The following RPS6KC1 variants were observed in gnomAD, a reference collection of about 807,000 sequenced individuals.
RPS6KC1 encodes ribosomal protein S6 kinase C1.
Under a neutral mutation model 103.8 loss-of-function variants are expected in RPS6KC1, and 54 were observed. The ratio of observed to expected loss-of-function variants is 0.52; its 90% CI spans 0.42 to 0.65. RPS6KC1 has a LOEUF of 0.65. Among genes scored for constraint, RPS6KC1 ranks in the 30% least tolerant of loss-of-function variants. RPS6KC1 has a pLI of 0.00. For missense variants in RPS6KC1, 1,151 were observed against 1,253.8 expected (o/e 0.92, Z 1.24); for synonymous variants, 439 against 438.7 (o/e 1.00, Z -0.01).
chr1:213,552,666 A>G, the RPS6KC1 span, among the ~76,000 whole-genome samples: 1 of 152,160 alleles, frequency 6.6e-6, no homozygotes, highest in Non-Finnish European at 1.5e-5. Context: ...TTTTAAACTG[A>G]CATAAAGTCT....
At chr1:213,490,419 G>A in the RPS6KC1 span, among the ~76,000 whole-genome samples, 2 of 152,324 alleles carry the variant, frequency 1.3e-5, no homozygotes, top group Non-Finnish European at 2.9e-5. Context: ...TGATAGGAGG[G>A]CCTCTTGGAG....
At chr1:213,085,941 A>G (rs1016942669) in intron 3 of RPS6KC1, among the ~76,000 whole-genome samples, 1 of 150,658 alleles carries the variant, frequency 6.6e-6, no homozygotes, top group South Asian at 2.1e-4. Flanking sequence ...TAATTTCAGC[A>G]CTTGTTATTT....
the RPS6KC1 span, among the ~76,000 whole-genome samples, chr1:213,374,651 A>G: frequency 2.5e-3 from 380 of 152,300 alleles, 4 homozygotes; most frequent in South Asian, 0.032. Flanking sequence ...AAGAAAAGAG[A>G]CGTGATCACA....
the RPS6KC1 span, among the ~76,000 whole-genome samples, chr1:213,693,876 A>G: frequency 4.5e-4 from 69 of 152,308 alleles, no homozygotes; most frequent in Middle Eastern, 3.4e-3. Flanking sequence ...AGTCAATTCC[A>G]TGGGGGCAAA....
At chr1:213,104,821 A>G (rs866448832) in intron 4 of RPS6KC1, among the ~76,000 whole-genome samples, 5 of 150,600 alleles carry the variant, frequency 3.3e-5, no homozygotes, top group African/African-American at 4.9e-5. Context: ...AGGTGTGATC[A>G]TGGCGTACTA....
At chr1:213,601,582 G>T in the RPS6KC1 span, among the ~76,000 whole-genome samples, 1 of 151,996 alleles carries the variant, frequency 6.6e-6, no homozygotes, top group African/African-American at 2.4e-5. Context: ...AGCACAGGAT[G>T]GAGGCTGTGG....
chr1:213,803,890 A>T, the RPS6KC1 span, among the ~76,000 whole-genome samples: 1 of 146,404 alleles, frequency 6.8e-6, no homozygotes, highest in East Asian at 2.0e-4. Flanking sequence ...TATCATGGGG[A>T]TCTACAAAAT....
the RPS6KC1 span, among the ~76,000 whole-genome samples, chr1:213,716,834 G>A: frequency 8.5e-5 from 13 of 152,200 alleles, no homozygotes; most frequent in South Asian, 2.1e-4. Context: ...CTTATTAAAC[G>A]TCTGGCTAAT....
chr1:213,747,603 G>A, the RPS6KC1 span, among the ~76,000 whole-genome samples: 121 of 152,250 alleles, frequency 7.9e-4, no homozygotes, highest in African/African-American at 2.7e-3. Context: ...CCAATATATG[G>A]AATATTTGCC....
intron 4 of RPS6KC1, among the ~76,000 whole-genome samples, chr1:213,115,653 C>T (rs1039025010): frequency 1.3e-5 from 2 of 151,636 alleles, no homozygotes; most frequent in Admixed American, 1.3e-4. Context: ...GTTAGGGTGT[C>T]AATTTTGGAT....
the RPS6KC1 span, among the ~76,000 whole-genome samples, chr1:213,296,732 A>T: frequency 6.6e-6 from 1 of 152,204 alleles, no homozygotes; most frequent in East Asian, 1.9e-4. Context: ...GGTTCTTAGA[A>T]GCAGGAGAGA....
At chr1:213,301,698 CTTATTTATTTAT>C in the RPS6KC1 span, among the ~76,000 whole-genome samples, 3,025 of 141,226 alleles carry the variant, frequency 0.021, 76 homozygotes, top group East Asian at 0.09. Flanking sequence ...GACCCATTTA[CTTATTTATTTAT>C]TTATTTATTT....
At chr1:213,733,239 G>GTTT in the RPS6KC1 span, among the ~76,000 whole-genome samples, 5 of 147,070 alleles carry the variant, frequency 3.4e-5, no homozygotes, top group Non-Finnish European at 4.5e-5. Flanking sequence ...TTTGGGTTTT[G>GTTT]TTTTTTTTTT....
chr1:213,165,785 G>C (rs2090910937), intron 6 of RPS6KC1, among the ~76,000 whole-genome samples: 1 of 152,134 alleles, frequency 6.6e-6, no homozygotes, highest in Admixed American at 6.5e-5. Flanking sequence ...TCAAACTCCT[G>C]ACCTCAGGTG....
At chr1:213,571,642 C>T in the RPS6KC1 span, among the ~76,000 whole-genome samples, 79 of 152,296 alleles carry the variant, frequency 5.2e-4, no homozygotes, top group Admixed American at 6.5e-4. Flanking sequence ...TAATAAGTGA[C>T]GAAGTCAAAT....
the RPS6KC1 span, among the ~76,000 whole-genome samples, chr1:213,502,902 G>T: frequency 6.7e-6 from 1 of 150,362 alleles, no homozygotes. Context: ...ATAATAAAAA[G>T]TATGGGTTGA....
At chr1:213,766,324 A>G in the RPS6KC1 span, among the ~76,000 whole-genome samples, 3 of 152,324 alleles carry the variant, frequency 2.0e-5, no homozygotes, top group East Asian at 5.8e-4. Flanking sequence ...TGGGACAGGA[A>G]GTCAGTTGCT....
chr1:213,137,237 C>A (rs897567937), intron 6 of RPS6KC1, among the ~76,000 whole-genome samples: 2 of 152,058 alleles, frequency 1.3e-5, no homozygotes, highest in African/African-American at 4.8e-5. Flanking sequence ...ATATCTGATT[C>A]TTCCCCAGTA....
chr1:213,271,807 C>T (rs941837421), intron 14 of RPS6KC1, among the ~76,000 whole-genome samples: 2 of 150,328 alleles, frequency 1.3e-5, no homozygotes, highest in Non-Finnish European at 3.0e-5. Flanking sequence ...GATTGTGATG[C>T]TAGTTGCACA....
Sources: allele counts gnomAD v4.1 joint callset (sites outside exome capture counted in the v4.1 genomes callset), GRCh38; gene constraint gnomAD v4.1.1; transcripts MANE v1.5; gene names NCBI Gene and HGNC (gene_info 2026-07-23, HGNC 2026-07-21).